RGS3: variants seen among roughly 807,000 people sequenced by gnomAD.
RGS3 encodes the protein regulator of G protein signaling 3.
Under a neutral mutation model 132.6 loss-of-function variants are expected in RGS3, and 80 were observed. The ratio of observed to expected loss-of-function variants is 0.60; its 90% CI spans 0.50 to 0.73. The LOEUF (loss-of-function observed/expected upper bound fraction) is 0.73. RGS3 is among the 30% of genes least tolerant of loss of function. The pLI is 0.00. For missense variants in RGS3, 1,382 were observed against 1,530.8 expected, an observed-to-expected ratio of 0.90 and a Z score of 1.62; for synonymous variants, 598 against 620.6, an observed-to-expected ratio of 0.96 and a Z score of 0.54.
chr9:113,539,529 C>G (rs767603424), intron 19 of RGS3, among the ~76,000 whole-genome samples: 36 of 152,130 alleles, frequency 2.4e-4, no homozygotes, highest in Non-Finnish European at 4.9e-4. Context: ...AGGCTGGTCT[C>G]GAACTCCTGA....
chr9:113,450,948 G>A (rs553799601), intron 1 of RGS3, among the ~76,000 whole-genome samples: 1 of 152,258 alleles, frequency 6.6e-6, no homozygotes, highest in African/African-American at 2.4e-5. Context: ...GGGAGGCTGA[G>A]GCGGGCGGAT....
At chr9:113,534,600 G>T (rs1482144282) in intron 18 of RGS3, among the ~76,000 whole-genome samples, 3 of 146,722 alleles carry the variant, frequency 2.0e-5, no homozygotes, top group Admixed American at 7.1e-5. Context: ...TACATATGTA[G>T]TACAGATGAA....
chr9:113,484,105 C>G lies in RGS3; in HGVS notation c.526-33C>G, dbSNP rs1297285883. On this transcript the variant is annotated intron_variant, in intron 5 of 24. Transcript: ENST00000350696. Reference sequence around the variant, plus strand: ...GCTGGGCTTAGGTGGGCCATGAGATCCGCTAATCATGCTTCCTTTTTTCCA... The same window carrying G: ...GCTGGGCTTAGGTGGGCCATGAGATGCGCTAATCATGCTTCCTTTTTTCCA... 2.2e-6 allele frequency: 3 copies of G among 1,342,728 alleles called. No homozygotes were observed. The East Asian group carries it at 6.9e-5, about 31-fold the overall frequency. The allele number at this position is 1,342,728 out of a possible 1,614,324, so 83.2% of individuals were successfully genotyped here.
intron 19 of RGS3, among the ~76,000 whole-genome samples, chr9:113,576,126 G>T (rs927708297): frequency 1.3e-5 from 2 of 151,848 alleles, no homozygotes; most frequent in Non-Finnish European, 2.9e-5. Flanking sequence ...CGTGAACCCG[G>T]GAGGCGGAGC....
At chr9:113,559,052 TC>T in intron 19 of RGS3, among the ~76,000 whole-genome samples, 1 of 152,314 alleles carries the variant, frequency 6.6e-6, no homozygotes, top group East Asian at 1.9e-4. Context: ...TTTCAGTCTT[TC>T]CCCCACTGAC....
At chr9:113,491,270 AT>A (rs890202799) in intron 7 of RGS3, among the ~76,000 whole-genome samples, 3 of 148,790 alleles carry the variant, frequency 2.0e-5, no homozygotes, top group Admixed American at 6.8e-5. Flanking sequence ...TTTTAAAGTA[AT>A]TTTTTTTTCT....
intron 15 of RGS3, chr9:113,517,228 G>C (rs369613555): frequency 3.2e-5 from 17 of 525,028 alleles, no homozygotes; most frequent in Admixed American, 6.7e-5. Context: ...AGTGCAGTGG[G>C]GGGTGAGAGC....
rs941234879 is a variant in RGS3, at chr9:113,579,266, C to T, written c.2038-4184C>T. On this transcript the variant is annotated intron_variant, in intron 19 of 24. Transcript: ENST00000350696. The surrounding 1 kb of genome is among the most constrained non-coding windows in gnomAD (Gnocchi z 4.3). ...CCACCACTACCCTCAACCCAACATC[C>T]GGTGGGCATCTGGGGCCCAGGAGCC... 3.9e-5 allele frequency among the ~76,000 whole-genome samples: 6 copies of T among 152,170 alleles called. No individual in the cohort carries two copies. The highest frequency in any genetic ancestry group is 4.1e-4 in the South Asian group (2 of 4,826).
intron 10 of RGS3, chr9:113,501,348 C>T (rs978475455): frequency 3.2e-6 from 4 of 1,232,018 alleles, no homozygotes; most frequent in Admixed American, 2.9e-5. Context: ...TAATATAAAA[C>T]TCTCCCTCTT....
chr9:113,474,144 T>C (rs939433962), intron 3 of RGS3, among the ~76,000 whole-genome samples: 8 of 152,216 alleles, frequency 5.3e-5, no homozygotes, highest in African/African-American at 1.9e-4. Context: ...AGAAGACTTA[T>C]GCTGGCCGGA....
At chr9:113,573,041 T>C (rs916984910) in intron 19 of RGS3, among the ~76,000 whole-genome samples, 4 of 152,232 alleles carry the variant, frequency 2.6e-5, no homozygotes, top group Non-Finnish European at 5.9e-5. Flanking sequence ...TATTGAGCAC[T>C]TACTAGGTGC....
chr9:113,475,667 C>T (rs1343605385), intron 3 of RGS3, among the ~76,000 whole-genome samples: 1 of 152,130 alleles, frequency 6.6e-6, no homozygotes, highest in Non-Finnish European at 1.5e-5. Context: ...ACCTCAGCCT[C>T]CCAAAGTGCT....
At chr9:113,465,091 C>T (rs1447093479) in intron 3 of RGS3, among the ~76,000 whole-genome samples, 1 of 152,126 alleles carries the variant, frequency 6.6e-6, no homozygotes, top group Admixed American at 6.5e-5. Context: ...GTTTTACCTG[C>T]ATTATCTCAC....
At position 113,531,576 on chromosome 9, in the gene RGS3, A is replaced by G. The variant is rs80130816; in HGVS notation, c.1914+2312A>G. Among the ~76,000 whole-genome samples the G allele has an allele frequency of 2.6e-5, 4 of 152,342 alleles. No homozygotes were observed. The East Asian group carries it at 7.7e-4, about 29-fold the overall frequency. ...CAAAACAAGGGGAAGGGCTCTTCAT[A>G]TTCATTTACTCTCCATTAGAGAAAT... On this transcript the variant is annotated intron_variant, in intron 18 of 24. Coordinates refer to ENST00000350696, the Ensembl canonical transcript of RGS3.
exon 9 of RGS3, chr9:113,497,342 G>A (rs1288145452): frequency 6.2e-7 from 1 of 1,613,618 alleles, no homozygotes; most frequent in African/African-American, 1.3e-5. Flanking sequence ...TACCTCCTAG[G>A]GGAGCACCTG....
At position 113,584,436 on chromosome 9, in the gene RGS3, GC is replaced by G; in HGVS notation, c.3015+10del. 6.6e-7 allele frequency: 1 copy of G among 1,504,566 alleles called. No homozygotes were observed. Among genetic ancestry groups the G allele is most frequent in the Non-Finnish European group, 8.8e-7 (1 of 1,134,490 alleles). The allele number at this position is 1,504,566 out of a possible 1,614,324, so 93.2% of individuals were successfully genotyped here. ...TCACAGGACACAGGAAGGTGAGAAAGCTAAAGGGGGAGGGAGAAGGATACAT... is the reference window on the plus strand; with the variant it reads ...TCACAGGACACAGGAAGGTGAGAAAGTAAAGGGGGAGGGAGAAGGATACAT... On this transcript the variant is annotated intron_variant, in intron 20 of 24. Coordinates refer to ENST00000350696, the Ensembl canonical transcript of RGS3.
In RGS3 at chr9:113,522,923, A is replaced by C; in HGVS notation, c.1759-7A>C. ...TAGCCAGTTCTGTTTGCTCTCTGTC[A>C]ACCCAGGTGACACTGTTTGCCTATT... On this transcript the variant is annotated splice_polypyrimidine_tract_variant and splice_region_variant and intron_variant, in intron 16 of 24. Transcript: ENST00000350696. 1 of 1,599,744 alleles carries C rather than the reference A, an allele frequency of 6.3e-7. No homozygotes were observed. Among genetic ancestry groups the C allele is most frequent in the Non-Finnish European group, 8.6e-7 (1 of 1,166,872 alleles).
At chr9:113,497,178 G>A (rs576035608) in intron 8 of RGS3, 136 bp from the exon 7 acceptor site, 193 of 657,722 alleles carry the variant, frequency 2.9e-4, no homozygotes, top group Admixed American at 1.4e-3. Context: ...ATGGCAGCTC[G>A]GGGCCAGGAA....
rs887886186 is a variant in RGS3, at chr9:113,460,375, C to T, written c.80+39C>T. On this transcript the variant is annotated intron_variant, in intron 1 of 24. Transcript: ENST00000350696. ...TCTACTAAAAATACAAAAAATTAGC[C>T]GGGCGTGTTGGCGGGTGCCTGTAGT... 5.4e-5 allele frequency: 13 copies of T among 239,930 alleles called. 1 individual carries two copies. The highest frequency in any genetic ancestry group is 3.5e-4 in the East Asian group (2 of 5,774). 14.9% of individuals were successfully genotyped at this position (239,930 alleles called of 1,614,324 possible). A position where few individuals can be genotyped will look rare whatever the true frequency, so the allele number is the denominator to read the frequency against.
Sources: allele counts gnomAD v4.1 joint callset (sites outside exome capture counted in the v4.1 genomes callset), GRCh38; gene constraint gnomAD v4.1.1; non-coding constraint Gnocchi (gnomAD v3.1); transcripts MANE v1.5; gene names NCBI Gene and HGNC (gene_info 2026-07-23, HGNC 2026-07-21).